FANCA: variants seen among roughly 807,000 people sequenced by gnomAD.
FANCA encodes Fanconi anemia group A protein.
Under a neutral mutation model 194.3 loss-of-function variants are expected in FANCA, and 236 were observed. That is an observed-to-expected ratio of 1.21 (90% confidence interval 1.09 to 1.35). The LOEUF is 1.35. Ranked by LOEUF, FANCA falls within the 40% of genes most tolerant of loss-of-function variation. The pLI is 0.00. For synonymous variants in FANCA, 1,014 were observed against 715.8 expected, an observed-to-expected ratio of 1.42 and a Z score of -6.65; for missense variants, 2,628 against 1,813.9, an observed-to-expected ratio of 1.45 and a Z score of -8.15.
intron 18 of FANCA, among the ~76,000 whole-genome samples, chr16:89,779,267 G>T (rs1011951957): frequency 6.6e-6 from 1 of 152,228 alleles, no homozygotes; most frequent in South Asian, 2.1e-4. Context: ...CTGAGGCCAC[G>T]AGGACCATGT....
At chr16:89,791,231 G>A (rs1186940025) in intron 14 of FANCA, 172 bp downstream of exon 14, 4 of 849,982 alleles carry the variant, frequency 4.7e-6, no homozygotes, top group Admixed American at 2.1e-5. Flanking sequence ...CCGACAGGGA[G>A]AACCCAGGCT....
intron 17 of FANCA, 146 bp from the exon 18 acceptor site, chr16:89,780,103 A>AT: frequency 1.3e-6 from 1 of 772,886 alleles, no homozygotes; most frequent in Non-Finnish European, 2.2e-6. Flanking sequence ...TGCGCACAGC[A>AT]GGGGCCCTGG....
chr16:89,767,197 A>C lies in FANCA; in HGVS notation c.2545T>G (p.Ser849Ala). 1 of 1,614,046 alleles carries C rather than the reference A, an allele frequency of 6.2e-7. No homozygotes were observed. The highest frequency in any genetic ancestry group is 8.5e-7 in the Non-Finnish European group (1 of 1,179,876). The change falls in exon 27 of 43, where the codon TCT becomes GCT. Residue 849 changes from serine to alanine, a missense_variant. Coordinates refer to ENST00000389301, the MANE Select transcript of FANCA (RefSeq NM_000135.4). ...CACAAAGTATCTCGTGACTGGGAAG[A>C]AAACTTGCAGAGAGAGTAAGAAATT... is the stretch of plus-strand genomic sequence containing the variant. The part of the protein sequence containing the change: ...AAISYSLCKF[S>A]SQSRDTLCSC...
chr16:89,748,742 C>T lies in FANCA; in HGVS notation c.3265G>A (p.Val1089Ile), dbSNP rs536839082. The change falls in exon 33 of 43, where the codon GTC (valine) becomes ATC (isoleucine). Residue 1089 changes from valine to isoleucine, a missense_variant. Transcript: ENST00000389301. Reference protein sequence around the residue: ...KRILLRLPSSVLCGSSFQAEQ... With the variant: ...KRILLRLPSSILCGSSFQAEQ... ...GCCTGGAAGCTGCTGCCGCAGAGGA[C>T]AGACGAAGGCAGGCGGAGGAGGATC... 425 of 1,614,042 alleles carry T rather than the reference C, an allele frequency of 2.6e-4. 8 individuals are homozygous for T. In the South Asian group the frequency reaches 4.3e-3, roughly 16 times the overall value.
intron 11 of FANCA, among the ~76,000 whole-genome samples, chr16:89,792,908 G>A (rs541605894): frequency 6.6e-6 from 1 of 152,300 alleles, no homozygotes; most frequent in South Asian, 2.1e-4. Flanking sequence ...AGGGAGAGGA[G>A]ATAGAGACAA....
rs1441781439 is a variant in FANCA, at chr16:89,743,010, ATTC to A, written c.3627-75_3627-73del. The stretch of plus-strand genomic sequence containing the variant: ...ACCACGCCATAGAAACCAAGTCCTT[ATTC>A]CCACCTGTCACCTTTGGGGCCTGCC... On this transcript the variant is annotated intron_variant, in intron 36 of 42. Transcript: ENST00000389301. 6 of 1,558,620 alleles carry A rather than the reference ATTC, an allele frequency of 3.8e-6. No homozygotes were observed. The African/African-American group carries it at 8.2e-5, about 21-fold the overall frequency.
intron 37 of FANCA, 85 bp downstream of exon 37, chr16:89,742,715 G>A: frequency 3.4e-6 from 4 of 1,167,470 alleles, no homozygotes; most frequent in East Asian, 2.9e-5. Flanking sequence ...TAGAAAAACA[G>A]TTCATCAGAC....
intron 38 of FANCA, chr16:89,740,336 G>A (rs1302418533): frequency 3.6e-6 from 2 of 554,594 alleles, no homozygotes; most frequent in South Asian, 2.1e-5. Flanking sequence ...CCTCAAATAA[G>A]ACATTAAAAG....
At position 89,770,060 on chromosome 16, in the gene FANCA, C is replaced by T. The variant is rs1398862935; in HGVS notation, c.2317-36G>A. ...AATGAGGGTGGCAGAGCAGACTGCC[C>T]TCTTCCAAGCTGGAATTTTCCAGGG... On this transcript the variant is annotated intron_variant, in intron 25 of 42. Coordinates refer to ENST00000389301, the MANE Select transcript of FANCA (RefSeq NM_000135.4). 2.5e-6 allele frequency: 4 copies of T among 1,602,612 alleles called. No individual in the cohort carries two copies. In the African/African-American group the frequency reaches 5.4e-5, roughly 21 times the overall value.
At chr16:89,812,798 G>A (rs1243517932) in intron 3 of FANCA, among the ~76,000 whole-genome samples, 3 of 151,924 alleles carry the variant, frequency 2.0e-5, no homozygotes, top group African/African-American at 4.8e-5. Context: ...ACTGCAGGAG[G>A]CCGAGGCGGG....
chr16:89,747,854 T>C (rs1053883693), intron 33 of FANCA, among the ~76,000 whole-genome samples: 1 of 152,170 alleles, frequency 6.6e-6, no homozygotes, highest in Non-Finnish European at 1.5e-5. Context: ...GAGGGGCTGG[T>C]ATCCGTCTCC....
intron 20 of FANCA, among the ~76,000 whole-genome samples, chr16:89,778,182 G>A (rs993933172): frequency 3.2e-5 from 4 of 126,538 alleles, no homozygotes; most frequent in African/African-American, 1.1e-4. Flanking sequence ...AAAAAAAAAG[G>A]CCAGGAGCGG....
rs577194734 is a variant in FANCA, at chr16:89,738,974, C to A, written c.4168G>T (p.Gly1390Cys). Reference sequence around the variant, plus strand: ...TTTGTTATCAGTTCCACGGGGTTGCCCTAGAGAGAAAACAGGCAAACTCAC... The same window carrying A: ...TTTGTTATCAGTTCCACGGGGTTGCACTAGAGAGAAAACAGGCAAACTCAC... ...AGRSLELKGQ[G>C]NPVELITKAR... Residue 1390 changes from glycine (G) to cysteine (C), a missense_variant and splice_region_variant, in exon 42 of 43, where the codon GGC becomes TGC. Transcript: ENST00000389301. 1 of 1,614,230 alleles carries A rather than the reference C, an allele frequency of 6.2e-7. No individual in the cohort carries two copies. The highest frequency in any genetic ancestry group is 1.1e-5 in the South Asian group (1 of 91,082).
At chr16:89,798,401 G>A (rs1023179144) in intron 10 of FANCA, 22 of 1,059,900 alleles carry the variant, frequency 2.1e-5, no homozygotes, top group Admixed American at 4.8e-5. Flanking sequence ...TAAAAGTACC[G>A]AACGGTACAA....
intron 18 of FANCA, 113 bp from the exon 19 acceptor site, chr16:89,779,116 G>C (rs1219658995): frequency 8.5e-6 from 8 of 942,984 alleles, no homozygotes; most frequent in South Asian, 6.9e-5. Context: ...CCAAAGCCAC[G>C]ATGCATTATG....
intron 29 of FANCA, among the ~76,000 whole-genome samples, chr16:89,761,348 G>T (rs891384882): frequency 6.6e-6 from 1 of 151,698 alleles, no homozygotes; most frequent in Non-Finnish European, 1.5e-5. Flanking sequence ...GAACCCGGGA[G>T]GTGGAGGTTG....
At chr16:89,794,087 T>C (rs1352389048) in intron 11 of FANCA, among the ~76,000 whole-genome samples, 1 of 73,254 alleles carries the variant, frequency 1.4e-5, no homozygotes, top group East Asian at 1.7e-3. Flanking sequence ...TGAAGACAGA[T>C]CTTAATATGT....
intron 8 of FANCA, among the ~76,000 whole-genome samples, chr16:89,801,725 T>C (rs1276382600): frequency 1.3e-5 from 2 of 151,800 alleles, no homozygotes; most frequent in South Asian, 2.1e-4. Flanking sequence ...TCACCTCTAC[T>C]AAAAATACAA....
chr16:89,796,164 T>G lies in FANCA; in HGVS notation c.894-146A>C, dbSNP rs1395403519. 4.3e-6 allele frequency: 3 copies of G among 702,862 alleles called. No individual in the cohort carries two copies. The Admixed American group carries it at 6.1e-5, about 14-fold the overall frequency. The allele number at this position is 702,862 out of a possible 1,614,324, so 43.5% of individuals were successfully genotyped here. On this transcript the variant is annotated intron_variant, in intron 10 of 42. Coordinates refer to ENST00000389301, the MANE Select transcript of FANCA (RefSeq NM_000135.4). ...GGCCAGGCCACTATAACCACAGACT[T>G]GAAACTGAATCCAAGGAGGTGGCAG...
Sources: gnomAD v4.1 joint callset for allele counts (sites outside exome capture counted in the v4.1 genomes callset) on GRCh38, gnomAD v4.1.1 for gene constraint, MANE v1.5 for transcripts, NCBI Gene and HGNC (gene_info 2026-07-23, HGNC 2026-07-21) for gene names.